The following VPS13A variants were observed in gnomAD, a reference collection of about 807,000 sequenced individuals.
VPS13A encodes vacuolar protein sorting 13 homolog A.
VPS13A carries 264 observed loss-of-function variants against 390.9 expected under a neutral mutation model. The ratio of observed to expected loss-of-function variants is 0.68; its 90% CI spans 0.61 to 0.75. The LOEUF is 0.75. Ranked by LOEUF, VPS13A falls within the 30% of genes least tolerant of loss-of-function variation. VPS13A has a pLI of 0.00. For synonymous variants in VPS13A, 1,231 were observed against 1,227.1 expected, an observed-to-expected ratio of 1.00 and a Z score of -0.07; for missense variants, 3,409 against 3,733.9, an observed-to-expected ratio of 0.91 and a Z score of 2.27.
At chr9:77,275,793 G>A (rs1416352598) in intron 25 of VPS13A, 141 bp downstream of exon 25, 1 of 1,031,900 alleles carries the variant, frequency 9.7e-7, no homozygotes, top group East Asian at 2.4e-5. Context: ...GTGATTCTTG[G>A]TCACTCCCCG....
At chr9:77,200,987 A>G (rs1348240593) in intron 2 of VPS13A, among the ~76,000 whole-genome samples, 2 of 152,070 alleles carry the variant, frequency 1.3e-5, no homozygotes, top group East Asian at 1.9e-4. Flanking sequence ...TTGAAAGTTT[A>G]TTTTTTACAA....
In VPS13A at chr9:77,323,125, G is replaced by A. The variant is rs1200437905; in HGVS notation, c.5889G>A (p.Leu1963=). 1.2e-6 allele frequency: 2 copies of A among 1,613,392 alleles called. No individual in the cohort carries two copies. The highest frequency in any genetic ancestry group is 3.3e-5 in the Admixed American group (2 of 59,924). ...KIPLTKVGRR[L]YTVRHRESGV... is the part of the protein sequence containing the mutation. ...CTTTAACAAAAGTGGGACGACGTCT[G>A]TACACTGTAAGACACAGAGAGTCTG... Residue 1963 remains leucine (L), a synonymous_variant, in exon 45 of 72, where the codon CTG becomes CTA. Transcript: ENST00000360280.
chr9:77,326,018 C>T (rs1387022582), intron 45 of VPS13A, among the ~76,000 whole-genome samples: 1 of 152,048 alleles, frequency 6.6e-6, no homozygotes, highest in Non-Finnish European at 1.5e-5. Flanking sequence ...CAGATATTTT[C>T]ACTGGGCATA....
At chr9:77,382,452 T>A (rs984595161) in intron 68 of VPS13A, 2 of 1,384,266 alleles carry the variant, frequency 1.4e-6, no homozygotes, top group South Asian at 1.9e-5. Context: ...CTGGTTTTTT[T>A]ATAGGGTGTT....
chr9:77,242,625 C>G (rs1450260130), intron 19 of VPS13A, among the ~76,000 whole-genome samples: 1 of 151,894 alleles, frequency 6.6e-6, no homozygotes, highest in African/African-American at 2.4e-5. Context: ...GAGTAGAAAC[C>G]AAAGCATAAG....
rs896040726 is a variant in VPS13A at position 77,421,076 on chromosome 9, A to C, written c.*5070A>C. 1 of 152,242 alleles carries C rather than the reference A, an allele frequency of 6.6e-6. No individual in the cohort carries two copies. Among genetic ancestry groups the C allele is most frequent in the Non-Finnish European group, 1.5e-5 (1 of 68,044 alleles). 9.4% of individuals were successfully genotyped at this position (152,242 alleles called of 1,614,324 possible). A position where few individuals can be genotyped will look rare whatever the true frequency, so the allele number is the denominator to read the frequency against. The stretch of plus-strand genomic sequence containing the variant: ...TACATATAAAAATGAATTTTTCAGG[A>C]AAAGTGCACTTTAAAAATACTTTCT... On this transcript the variant is annotated 3_prime_UTR_variant, in exon 72 of 72. Transcript: ENST00000360280.
At chr9:77,240,111 T>C (rs993807904) in intron 19 of VPS13A, among the ~76,000 whole-genome samples, 1 of 152,158 alleles carries the variant, frequency 6.6e-6, no homozygotes, top group Middle Eastern at 3.4e-3. Context: ...GCTTACACTT[T>C]TTATTTGATT....
intron 20 of VPS13A, 52 bp downstream of exon 20, chr9:77,247,447 G>T (rs1824881580): frequency 1.3e-6 from 2 of 1,510,606 alleles, no homozygotes; most frequent in South Asian, 1.3e-5. Flanking sequence ...GTGTTTCTTT[G>T]TTTTAAATGT....
At chr9:77,386,869 G>A (rs1445343714) in intron 68 of VPS13A, among the ~76,000 whole-genome samples, 5 of 151,714 alleles carry the variant, frequency 3.3e-5, no homozygotes, top group Admixed American at 2.6e-4. Context: ...CACCACACCC[G>A]GCTAATTTTT....
intron 45 of VPS13A, among the ~76,000 whole-genome samples, chr9:77,330,626 T>C (rs1394938728): frequency 6.6e-6 from 1 of 152,172 alleles, no homozygotes; most frequent in East Asian, 1.9e-4. Context: ...AATCAGAAAA[T>C]ATGTTGGAAA....
chr9:77,186,173 ATATGTAATACTCTATCTTACAATACAG>A (rs1469394170), intron 1 of VPS13A, among the ~76,000 whole-genome samples: 10 of 152,238 alleles, frequency 6.6e-5, no homozygotes, highest in African/African-American at 2.4e-4. Flanking sequence ...TGGAGGTAGT[ATATGTAATACTCTATCTTACAATACAG>A]TATACAGATT....
chr9:77,276,152 A>G lies in VPS13A; in HGVS notation c.2755A>G (p.Ile919Val). Residue 919 changes from isoleucine (I) to valine (V), a missense_variant, in exon 26 of 72, where the codon ATT (isoleucine) becomes GTT (valine). Transcript: ENST00000360280. The stretch of plus-strand genomic sequence containing the variant: ...TTTAGGATTGGGTGCAGAAATTGAG[A>G]TTAGAACATACGATTTGAAAGCAAA... Reference protein sequence around the residue: ...LVLGLGAEIEIRTYDLKANAF... With the variant: ...LVLGLGAEIEVRTYDLKANAF... 1 of 1,612,390 alleles carries G rather than the reference A, an allele frequency of 6.2e-7. No individual in the cohort carries two copies. Among genetic ancestry groups the G allele is most frequent in the Non-Finnish European group, 8.5e-7 (1 of 1,179,166 alleles).
At chr9:77,261,315 A>C (rs562610270) in intron 23 of VPS13A, among the ~76,000 whole-genome samples, 2 of 152,264 alleles carry the variant, frequency 1.3e-5, no homozygotes, top group East Asian at 3.9e-4. Flanking sequence ...TAGCACATAC[A>C]GATCTACCTC....
chr9:77,348,843 A>T (rs1004022217), intron 52 of VPS13A, among the ~76,000 whole-genome samples: 1 of 152,192 alleles, frequency 6.6e-6, no homozygotes, highest in Non-Finnish European at 1.5e-5. Flanking sequence ...TGTCCCAGGT[A>T]GTCCAGTACG....
intron 31 of VPS13A, among the ~76,000 whole-genome samples, chr9:77,291,592 T>C (rs1469370901): frequency 6.6e-6 from 1 of 152,126 alleles, no homozygotes; most frequent in Non-Finnish European, 1.5e-5. Context: ...GCTGTGTTGC[T>C]CAGATTTTGC....
intron 69 of VPS13A, 26 bp from the exon 70 acceptor site, chr9:77,405,838 T>G (rs1834575345): frequency 4.3e-6 from 7 of 1,611,706 alleles, no homozygotes; most frequent in Non-Finnish European, 5.9e-6. Context: ...TTAAAGCGAA[T>G]TCTTTTTTTG....
intron 19 of VPS13A, among the ~76,000 whole-genome samples, chr9:77,241,199 C>A (rs538661266): frequency 1.3e-5 from 2 of 152,186 alleles, no homozygotes; most frequent in East Asian, 3.9e-4. Context: ...ACTTCTGTAT[C>A]CTGCTTTCTT....
chr9:77,263,384 G>T (rs1188734697), intron 23 of VPS13A, among the ~76,000 whole-genome samples: 1 of 152,054 alleles, frequency 6.6e-6, no homozygotes, highest in African/African-American at 2.4e-5. Context: ...TGGGATTACA[G>T]GTGTGAGCCA....
chr9:77,337,589 T>G (rs1325380247), intron 47 of VPS13A, 52 bp downstream of exon 47: 1 of 1,556,212 alleles, frequency 6.4e-7, no homozygotes, highest in East Asian at 2.3e-5. Context: ...GTAGTTTCAG[T>G]TTTTTAAGAT....
Sources: gnomAD v4.1 joint callset for allele counts (sites outside exome capture counted in the v4.1 genomes callset) on GRCh38, gnomAD v4.1.1 for gene constraint, MANE v1.5 for transcripts, NCBI Gene and HGNC (gene_info 2026-07-23, HGNC 2026-07-21) for gene names.